REDIC1: variants seen among roughly 807,000 people sequenced by gnomAD.
REDIC1 encodes the protein regulator of DNA class I crossover intermediates 1, also known as HEI10 Interacting Protein 1.
chr12:39,862,159 T>C, the REDIC1 span, among the ~76,000 whole-genome samples: 1 of 152,158 alleles, frequency 6.6e-6, no homozygotes, highest in African/African-American at 2.4e-5. Flanking sequence ...CCTTGGAAAA[T>C]ACATTATCAA....
At chr12:39,677,554 A>C in the REDIC1 span, among the ~76,000 whole-genome samples, 3 of 152,152 alleles carry the variant, frequency 2.0e-5, no homozygotes, top group African/African-American at 7.2e-5. Context: ...GTCAACAAAG[A>C]AACAATAGGC....
the REDIC1 span, among the ~76,000 whole-genome samples, chr12:39,656,938 T>A: frequency 6.6e-6 from 1 of 152,184 alleles, no homozygotes; most frequent in African/African-American, 2.4e-5. Flanking sequence ...TCAAAAAGTT[T>A]AAAAAATTAA....
the REDIC1 span, among the ~76,000 whole-genome samples, chr12:39,712,718 TATACGTGTATATATGTATATA>T: frequency 8.1e-6 from 1 of 123,022 alleles, no homozygotes; most frequent in East Asian, 2.2e-4. Context: ...TATATAGACG[TATACGTGTATATATGTATATA>T]GACGTGTACA....
At chr12:39,830,267 C>A in the REDIC1 span, 1 of 1,599,722 alleles carries the variant, frequency 6.3e-7, no homozygotes, top group East Asian at 2.2e-5. Flanking sequence ...TTGGCAGAGA[C>A]AACTGGTGCT....
the REDIC1 span, among the ~76,000 whole-genome samples, chr12:39,690,215 G>C: frequency 6.6e-6 from 1 of 152,154 alleles, no homozygotes; most frequent in Non-Finnish European, 1.5e-5. Context: ...GAGACATACG[G>C]GCTAAAACAA....
the REDIC1 span, among the ~76,000 whole-genome samples, chr12:39,699,233 G>C: frequency 1.8e-4 from 27 of 152,342 alleles, no homozygotes; most frequent in African/African-American, 6.0e-4. Context: ...GCGCAGGTCA[G>C]TGGGTGTGCG....
the REDIC1 span, among the ~76,000 whole-genome samples, chr12:39,658,728 T>A: frequency 6.6e-6 from 1 of 152,210 alleles, no homozygotes. Flanking sequence ...TAGCTATAAT[T>A]CTGTTTTATT....
At chr12:39,894,346 A>C in the REDIC1 span, among the ~76,000 whole-genome samples, 2 of 152,234 alleles carry the variant, frequency 1.3e-5, no homozygotes, top group African/African-American at 4.8e-5. Flanking sequence ...ACATTTGTGA[A>C]TATGATGATT....
chr12:39,769,330 T>G, the REDIC1 span, among the ~76,000 whole-genome samples: 1 of 152,046 alleles, frequency 6.6e-6, no homozygotes, highest in African/African-American at 2.4e-5. Flanking sequence ...ATTTATCAAT[T>G]TCAGTTGAGA....
At chr12:39,715,333 TTA>T in the REDIC1 span, among the ~76,000 whole-genome samples, 1 of 151,922 alleles carries the variant, frequency 6.6e-6, no homozygotes, top group Non-Finnish European at 1.5e-5. Context: ...TTTCCCCACT[TTA>T]TGTTTCGTTT....
chr12:39,902,672 T>C, the REDIC1 span, among the ~76,000 whole-genome samples: 800 of 152,210 alleles, frequency 5.3e-3, 9 homozygotes, highest in African/African-American at 0.018. Flanking sequence ...CTTTTTCTTT[T>C]TGCACTGCCT....
chr12:39,765,039 C>A, the REDIC1 span, among the ~76,000 whole-genome samples: 1 of 151,964 alleles, frequency 6.6e-6, no homozygotes, highest in Admixed American at 6.6e-5. Context: ...AGCAATTTTA[C>A]AGCCAAGTAT....
At chr12:39,791,216 A>G in the REDIC1 span, among the ~76,000 whole-genome samples, 2 of 150,442 alleles carry the variant, frequency 1.3e-5, no homozygotes, top group Admixed American at 6.6e-5. Flanking sequence ...TATTGATGGG[A>G]CATATTTCAA....
At chr12:39,847,620 G>C in the REDIC1 span, among the ~76,000 whole-genome samples, 1 of 151,962 alleles carries the variant, frequency 6.6e-6, no homozygotes, top group African/African-American at 2.4e-5. Context: ...ACAGTAAAAG[G>C]ATAGGAGCCT....
the REDIC1 span, among the ~76,000 whole-genome samples, chr12:39,900,676 A>G: frequency 6.6e-6 from 1 of 152,198 alleles, no homozygotes; most frequent in South Asian, 2.1e-4. Context: ...CCACTGCTCA[A>G]TGAAATAAAA....
the REDIC1 span, among the ~76,000 whole-genome samples, chr12:39,883,038 C>T: frequency 1.3e-5 from 2 of 152,094 alleles, no homozygotes; most frequent in African/African-American, 4.8e-5. Flanking sequence ...TGGCTTTCCA[C>T]CTCTTTTTTC....
At chr12:39,811,452 G>T in the REDIC1 span, among the ~76,000 whole-genome samples, 1 of 151,970 alleles carries the variant, frequency 6.6e-6, no homozygotes, top group African/African-American at 2.4e-5. Flanking sequence ...TAAAGTATAA[G>T]TTTGCTGTTA....
the REDIC1 span, among the ~76,000 whole-genome samples, chr12:39,834,759 C>A: frequency 6.6e-6 from 1 of 152,020 alleles, no homozygotes; most frequent in South Asian, 2.1e-4. Context: ...ACTCTTTCAT[C>A]CTTGACCTGG....
chr12:39,896,549 T>C, the REDIC1 span, among the ~76,000 whole-genome samples: 6 of 141,404 alleles, frequency 4.2e-5, 1 homozygote, highest in South Asian at 1.1e-3. Context: ...TGTATGTGTG[T>C]ATACATGTAT....
Sources: allele counts gnomAD v4.1 joint callset (sites outside exome capture counted in the v4.1 genomes callset), GRCh38; gene constraint gnomAD v4.1.1; transcripts MANE v1.5; gene names NCBI Gene and HGNC (gene_info 2026-07-23, HGNC 2026-07-21).